Variants in THSD7A observed in about 807,000 individuals in gnomAD.
The protein encoded by THSD7A is thrombospondin type-1 domain-containing protein 7A.
In THSD7A, 96 loss-of-function variants were observed where a neutral mutation model predicts 231.3. That is an observed-to-expected ratio of 0.41 (90% CI 0.35 to 0.49). THSD7A has a LOEUF of 0.49. Among genes scored for constraint, THSD7A ranks in the 20% least tolerant of loss-of-function variants. The pLI, the probability that THSD7A is intolerant of heterozygous loss-of-function variation, is 0.05. For synonymous variants in THSD7A, 940 were observed against 743.3 expected (o/e 1.26, Z -4.30); for missense variants, 2,290 against 2,070.2 (o/e 1.11, Z -2.06).
At chr7:11,730,517 A>G (rs375979287) in intron 1 of THSD7A, among the ~76,000 whole-genome samples, 5 of 151,730 alleles carry the variant, frequency 3.3e-5, no homozygotes, top group African/African-American at 1.2e-4. Context: ...CAAATATTCT[A>G]AAATTAGTGT....
intron 15 of THSD7A, 67 bp from the exon 16 acceptor site, chr7:11,424,896 C>A: frequency 6.3e-7 from 1 of 1,575,078 alleles, no homozygotes; most frequent in Non-Finnish European, 8.7e-7. Context: ...GACTTCCACA[C>A]CATAACAGCA....
chr7:11,719,195 T>C (rs1202043075), intron 1 of THSD7A, among the ~76,000 whole-genome samples: 3 of 151,668 alleles, frequency 2.0e-5, no homozygotes, highest in East Asian at 3.9e-4. Context: ...TTCTTTATTC[T>C]CTTCTCTGGG....
In THSD7A at chr7:11,634,502, A is replaced by G. The variant is rs546491878; in HGVS notation, c.1022+1628T>C. On this transcript the variant is annotated intron_variant, in intron 2 of 27. Transcript: ENST00000423059. This position sits in a 1 kb window ranked among gnomAD's most constrained non-coding sequence, Gnocchi z 4.1. ...AATATAACTGTAATATACTTCAGGA[A>G]AAGAGATAAGAAAATCACCAGAATA... Among the ~76,000 whole-genome samples the G allele has an allele frequency of 6.6e-6, 1 of 152,290 alleles. No homozygotes were observed. Among genetic ancestry groups the G allele is most frequent in the South Asian group, 2.1e-4 (1 of 4,822 alleles).
intron 1 of THSD7A, among the ~76,000 whole-genome samples, chr7:11,801,079 A>G (rs1204576771): frequency 6.6e-6 from 1 of 151,894 alleles, no homozygotes; most frequent in African/African-American, 2.4e-5. Context: ...AGGTGGGAGG[A>G]TCTCTTGGGC....
At chr7:11,561,311 T>A (rs1214625444) in intron 4 of THSD7A, among the ~76,000 whole-genome samples, 1 of 152,200 alleles carries the variant, frequency 6.6e-6, no homozygotes, top group Non-Finnish European at 1.5e-5. Context: ...ATAATATGAT[T>A]GAGGCTATCA....
At chr7:11,704,338 G>A (rs1467962640) in intron 1 of THSD7A, among the ~76,000 whole-genome samples, 2 of 150,852 alleles carry the variant, frequency 1.3e-5, no homozygotes, top group African/African-American at 4.9e-5. Context: ...ATATACTTTG[G>A]TATATATACT....
In THSD7A at chr7:11,552,066, A is replaced by G. The variant is rs566637480; in HGVS notation, c.1454-8949T>C. On this transcript the variant is annotated intron_variant, in intron 4 of 27. Coordinates refer to ENST00000423059, the MANE Select transcript of THSD7A (RefSeq NM_015204.3). ...TATCCTTATTCAAATTACTGCAGGAACAGAAAACCAAATACTGCATGTTCT... is the reference window on the plus strand; with the variant it reads ...TATCCTTATTCAAATTACTGCAGGAGCAGAAAACCAAATACTGCATGTTCT... 3.3e-5 allele frequency among the ~76,000 whole-genome samples: 5 copies of G among 152,244 alleles called. No homozygotes were observed. In the South Asian group the frequency reaches 8.3e-4, roughly 25 times the overall value.
At chr7:11,697,796 G>T (rs1780447606) in intron 1 of THSD7A, among the ~76,000 whole-genome samples, 1 of 151,304 alleles carries the variant, frequency 6.6e-6, no homozygotes, top group Non-Finnish European at 1.5e-5. Context: ...AGAAGAACCT[G>T]TCCATACTGA....
chr7:11,780,151 G>A (rs539039750), intron 1 of THSD7A, among the ~76,000 whole-genome samples: 2 of 152,318 alleles, frequency 1.3e-5, no homozygotes, highest in African/African-American at 4.8e-5. Context: ...AACAGAGACA[G>A]AAATCCAGTT....
chr7:11,438,343 T>C (rs1784696830), intron 13 of THSD7A, among the ~76,000 whole-genome samples: 3 of 152,052 alleles, frequency 2.0e-5, no homozygotes, highest in African/African-American at 7.2e-5. Context: ...TCCTCATTTG[T>C]AATATTTGTA....
intron 1 of THSD7A, among the ~76,000 whole-genome samples, chr7:11,660,972 T>C (rs764806871): frequency 3.3e-5 from 5 of 151,384 alleles, no homozygotes; most frequent in Non-Finnish European, 7.4e-5. Flanking sequence ...AGGATAGTGA[T>C]TTGTCTCAAC....
chr7:11,815,895 T>G (rs905251790), intron 1 of THSD7A, among the ~76,000 whole-genome samples: 2 of 152,172 alleles, frequency 1.3e-5, no homozygotes, highest in Non-Finnish European at 2.9e-5. Flanking sequence ...TTCCTACTTT[T>G]TGTTACTCCA....
rs563809080 is a variant in THSD7A at position 11,609,415 on chromosome 7, A to G, written c.1023-15913T>C. Among the ~76,000 whole-genome samples, 112 of 152,266 alleles carry G rather than the reference A, an allele frequency of 7.4e-4. 1 individual carries two copies. The highest frequency in any genetic ancestry group is 3.4e-3 in the Middle Eastern group (1 of 294). On this transcript the variant is annotated intron_variant, in intron 2 of 27. Transcript: ENST00000423059. ...TTGAATTAGCAAATGAGACACCCAG[A>G]ACTGGGAGGACCCACTTTAACAGTA...
At chr7:11,518,444 A>G (rs1788124748) in intron 6 of THSD7A, among the ~76,000 whole-genome samples, 1 of 152,196 alleles carries the variant, frequency 6.6e-6, no homozygotes, top group Non-Finnish European at 1.5e-5. Flanking sequence ...ACTGGGGCAT[A>G]TATGAATGAA....
In THSD7A at chr7:11,373,789, T is replaced by C. The variant is rs1218750398; in HGVS notation, c.*2005A>G. The C allele has an allele frequency of 6.6e-6, 1 of 152,084 alleles. No individual in the cohort carries two copies. Among genetic ancestry groups the C allele is most frequent in the Non-Finnish European group, 1.5e-5 (1 of 67,992 alleles). 9.4% of individuals were successfully genotyped at this position (152,084 alleles called of 1,614,324 possible). A position where few individuals can be genotyped will look rare whatever the true frequency, so the allele number is the denominator to read the frequency against. Reference sequence around the variant, plus strand: ...AAATACCTTCTAATCCAAAACACTTTTACAGGAACACAGCTGTTTAAGATA... The same window carrying C: ...AAATACCTTCTAATCCAAAACACTTCTACAGGAACACAGCTGTTTAAGATA... On this transcript the variant is annotated 3_prime_UTR_variant, in exon 28 of 28. Transcript: ENST00000423059.
intron 1 of THSD7A, among the ~76,000 whole-genome samples, chr7:11,671,805 T>C (rs1783407228): frequency 1.3e-5 from 2 of 152,170 alleles, no homozygotes; most frequent in African/African-American, 4.8e-5. Context: ...CTAGGATGCT[T>C]AAAATTTTCC....
intron 13 of THSD7A, among the ~76,000 whole-genome samples, chr7:11,438,908 T>C (rs1239645265): frequency 6.6e-6 from 1 of 152,032 alleles, no homozygotes; most frequent in Non-Finnish European, 1.5e-5. Flanking sequence ...AAAAAGACTT[T>C]TTTCTTCCTC....
chr7:11,622,923 A>G (rs1355574299), intron 2 of THSD7A, among the ~76,000 whole-genome samples: 2 of 152,186 alleles, frequency 1.3e-5, no homozygotes, highest in Non-Finnish European at 2.9e-5. Flanking sequence ...GGCTTTAGAG[A>G]TATCTTCATA....
chr7:11,387,879 T>A lies in THSD7A; in HGVS notation c.4412-5263A>T, dbSNP rs539818212. Among the ~76,000 whole-genome samples, 3 of 152,312 alleles carry A rather than the reference T, an allele frequency of 2.0e-5. No homozygotes were observed. In the South Asian group the frequency reaches 6.2e-4, roughly 32 times the overall value. ...ATAGCTCTTATTATTTTGAGATATG[T>A]TTCATCAATACCTAGATTATTGAGA... is the stretch of plus-strand genomic sequence containing the variant. On this transcript the variant is annotated intron_variant, in intron 23 of 27. Transcript: ENST00000423059.
Sources: gnomAD v4.1 joint callset for allele counts (sites outside exome capture counted in the v4.1 genomes callset) on GRCh38, gnomAD v4.1.1 for gene constraint, Gnocchi (gnomAD v3.1) non-coding constraint, MANE v1.5 for transcripts, NCBI Gene and HGNC (gene_info 2026-07-23, HGNC 2026-07-21) for gene names.